The following LOC122394732 variants were observed in gnomAD, a reference collection of about 807,000 sequenced individuals.
chr9:87,956,230 C>T, the LOC122394732 span: 1 of 398,534 alleles, frequency 2.5e-6, no homozygotes, highest in Non-Finnish European at 4.4e-6. Context: ...ACTGTCCTGT[C>T]TTGAACATCC....
the LOC122394732 span, chr9:87,956,526 G>A: frequency 9.5e-4 from 380 of 398,456 alleles, 1 homozygote; most frequent in African/African-American, 7.2e-3. Context: ...CATAGGGGAC[G>A]AGTTCATCTG....
the LOC122394732 span, chr9:87,956,291 G>A: frequency 5.0e-6 from 2 of 398,558 alleles, no homozygotes; most frequent in East Asian, 3.6e-5. Context: ...GAATAAGAGC[G>A]CCTTCAAAGC....
At chr9:87,956,283 A>G in the LOC122394732 span, 1 of 398,656 alleles carries the variant, frequency 2.5e-6, no homozygotes, top group Non-Finnish European at 4.4e-6. Flanking sequence ...TTCGTAACGA[A>G]TAAGAGCGCC....
the LOC122394732 span, chr9:87,956,376 A>G: frequency 2.5e-6 from 1 of 398,550 alleles, no homozygotes; most frequent in Admixed American, 4.4e-5. Flanking sequence ...ATTCAGATCC[A>G]AAGCATCCAG....
At chr9:87,956,637 A>C in the LOC122394732 span, 2 of 397,000 alleles carry the variant, frequency 5.0e-6, no homozygotes, top group Non-Finnish European at 8.9e-6. Context: ...CAAAAAAGAA[A>C]AAAAAGGACT....
At chr9:87,956,486 A>G in the LOC122394732 span, 1 of 398,602 alleles carries the variant, frequency 2.5e-6, no homozygotes, top group Non-Finnish European at 4.4e-6. Context: ...TTTTCCTCAA[A>G]AGCCATTGTG....
At chr9:87,956,873 A>G in the LOC122394732 span, 1 of 159,884 alleles carries the variant, frequency 6.3e-6, no homozygotes, top group African/African-American at 2.4e-5. Flanking sequence ...TACATATTAT[A>G]TTTGCCTTAA....
At chr9:87,956,328 C>G in the LOC122394732 span, 2 of 398,456 alleles carry the variant, frequency 5.0e-6, no homozygotes, top group African/African-American at 4.1e-5. Context: ...CTGCGAAGGG[C>G]CTTCGTGAAC....
the LOC122394732 span, chr9:87,956,259 C>G: frequency 1.1e-3 from 446 of 398,614 alleles, 1 homozygote; most frequent in African/African-American, 7.9e-3. Context: ...AGTGTGAACA[C>G]AGGTGGCATG....
chr9:87,956,575 C>G, the LOC122394732 span: 20 of 397,930 alleles, frequency 5.0e-5, no homozygotes, highest in East Asian at 7.1e-4. Flanking sequence ...GGGTCTCCTT[C>G]TGTATCTCTC....
At chr9:87,956,303 G>A in the LOC122394732 span, 1 of 398,606 alleles carries the variant, frequency 2.5e-6, no homozygotes, top group Non-Finnish European at 4.4e-6. Flanking sequence ...CTTCAAAGCA[G>A]GAGATTCCCT....
the LOC122394732 span, chr9:87,956,577 G>GT: frequency 2.5e-6 from 1 of 397,790 alleles, no homozygotes; most frequent in African/African-American, 2.1e-5. Flanking sequence ...GTCTCCTTCT[G>GT]TATCTCTCTG....
the LOC122394732 span, chr9:87,956,414 A>T: frequency 1.0e-5 from 4 of 398,536 alleles, no homozygotes; most frequent in African/African-American, 8.2e-5. Flanking sequence ...GATCAGGGAG[A>T]TTGATAGAGA....
chr9:87,956,220 A>G, the LOC122394732 span: 1 of 398,500 alleles, frequency 2.5e-6, no homozygotes, highest in Non-Finnish European at 4.4e-6. Flanking sequence ...AGGCAGCCTC[A>G]CTGTCCTGTC....
the LOC122394732 span, chr9:87,956,235 A>C: frequency 2.5e-6 from 1 of 398,504 alleles, no homozygotes; most frequent in Non-Finnish European, 4.4e-6. Flanking sequence ...CCTGTCTTGA[A>C]CATCCTCCAC....
the LOC122394732 span, chr9:87,956,598 A>C: frequency 2.5e-6 from 1 of 397,870 alleles, no homozygotes; most frequent in Admixed American, 4.4e-5. Flanking sequence ...TGACCCAAGA[A>C]AGCAGTAGAA....
At chr9:87,956,442 G>C in the LOC122394732 span, 1 of 398,602 alleles carries the variant, frequency 2.5e-6, no homozygotes, top group East Asian at 3.6e-5. Context: ...GCCCTGAAGA[G>C]ATTTTTGGTA....
the LOC122394732 span, chr9:87,956,325 G>A: frequency 2.5e-6 from 1 of 398,486 alleles, no homozygotes; most frequent in African/African-American, 2.1e-5. Context: ...TACCTGCGAA[G>A]GGCCTTCGTG....
At chr9:87,956,864 A>G in the LOC122394732 span, 1 of 164,916 alleles carries the variant, frequency 6.1e-6, no homozygotes, top group African/African-American at 2.4e-5. Flanking sequence ...ATCATGAAAT[A>G]CATATTATAT....
Sources: allele counts gnomAD v4.1 joint callset, GRCh38; gene constraint gnomAD v4.1.1; transcripts MANE v1.5.